Variants in IHO1 observed in about 807,000 individuals in gnomAD.
IHO1 encodes the protein interactor of HORMAD1 1.
In IHO1, 13 loss-of-function variants were observed where a neutral mutation model predicts 31.0. That is an observed-to-expected ratio of 0.42 (90% CI 0.27 to 0.67). The LOEUF (loss-of-function observed/expected upper bound fraction) is 0.67. Among genes scored for constraint, IHO1 ranks in the 30% least tolerant of loss-of-function variants. The pLI is 0.24. For missense variants in IHO1, 599 were observed against 687.5 expected (o/e 0.87, Z 1.44); for synonymous variants, 221 against 248.4 (o/e 0.89, Z 1.04).
At chr3:49,196,476 G>A (rs1304142675), upstream of IHO1, among the ~76,000 whole-genome samples, 1 of 143,136 alleles carries the variant, frequency 7.0e-6, no homozygotes, top group South Asian at 2.2e-4. Context: ...CCACCACCAC[G>A]CCCGGCTATT....
In IHO1 at chr3:49,213,296, C is replaced by A. The variant is rs1047960369; in HGVS notation, c.56+1460C>A. ...AGTGCTGATTGTTGTATTTACAATT[C>A]CTTAGCTAGACATAAAGGTTCTCCA... On this transcript the variant is annotated intron_variant, in intron 2 of 7. Coordinates refer to ENST00000452691, the MANE Select transcript of IHO1 (RefSeq NM_001135197.2). Among the ~76,000 whole-genome samples the A allele has an allele frequency of 3.3e-5, 5 of 152,202 alleles. No individual in the cohort carries two copies. The East Asian group carries it at 9.6e-4, about 29-fold the overall frequency.
At chr3:49,200,607 T>A in intron 1 of IHO1, 3 of 983,140 alleles carry the variant, frequency 3.1e-6, no homozygotes, top group Non-Finnish European at 3.6e-6. Flanking sequence ...CCTCACGTGT[T>A]CCTCCCTTGT....
At chr3:49,194,495 G>A (rs1323200077), upstream of IHO1, among the ~76,000 whole-genome samples, 3 of 146,432 alleles carry the variant, frequency 2.0e-5, no homozygotes, top group Admixed American at 6.8e-5. Flanking sequence ...AGTAGAGAGG[G>A]GGTTTCACTG....
intron 2 of IHO1, among the ~76,000 whole-genome samples, chr3:49,218,515 G>A (rs1387451033): frequency 6.6e-6 from 1 of 151,358 alleles, no homozygotes; most frequent in East Asian, 1.9e-4. Flanking sequence ...CCAAGTAGCA[G>A]GGATTACAAG....
chr3:49,234,081 GA>G (rs1028590734), intron 2 of IHO1, among the ~76,000 whole-genome samples: 3 of 140,904 alleles, frequency 2.1e-5, no homozygotes, highest in East Asian at 2.1e-4. Flanking sequence ...TCGGGGCTGA[GA>G]AAAAAAAGGA....
chr3:49,236,775 ATAAAC>A (rs1430832995), intron 3 of IHO1, 53 bp downstream of exon 3: 1 of 1,521,638 alleles, frequency 6.6e-7, no homozygotes, highest in Non-Finnish European at 9.0e-7. Context: ...CATTATGGAG[ATAAAC>A]TATAAAGAAT....
upstream of IHO1, among the ~76,000 whole-genome samples, chr3:49,194,746 A>G (rs2045988116): frequency 6.6e-6 from 1 of 151,186 alleles, no homozygotes; most frequent in South Asian, 2.1e-4. Flanking sequence ...AAATACAAAA[A>G]TTAGCCAGAC....
At chr3:49,240,776 A>C (rs991918508) in intron 3 of IHO1, among the ~76,000 whole-genome samples, 9 of 152,216 alleles carry the variant, frequency 5.9e-5, no homozygotes, top group African/African-American at 1.9e-4. Flanking sequence ...AATTTTGCCA[A>C]AGAATGCAGA....
chr3:49,234,399 C>T (rs899939834), intron 2 of IHO1, among the ~76,000 whole-genome samples: 4 of 151,408 alleles, frequency 2.6e-5, no homozygotes, highest in Admixed American at 6.6e-5. Flanking sequence ...AGGCTGGTCT[C>T]GAACTCCTGA....
chr3:49,212,072 G>T (rs1423365438), intron 2 of IHO1, among the ~76,000 whole-genome samples: 2 of 151,182 alleles, frequency 1.3e-5, no homozygotes, highest in Admixed American at 1.3e-4. Flanking sequence ...GCTGAGGTAG[G>T]AGAATGGCGT....
rs116628938 is a variant in IHO1 at position 49,249,142 on chromosome 3, C to A, written c.532+4409C>A. Among the ~76,000 whole-genome samples, 976 of 152,276 alleles carry A rather than the reference C, an allele frequency of 6.4e-3. 4 individuals carry two copies. Among genetic ancestry groups the A allele is most frequent in the Non-Finnish European group, 0.011 (715 of 68,028 alleles). ...ACTGTGGCCATCTAATCTAACTCTTCCTGTTCTTCAGCTGAGGACACTAAG... is the reference window on the plus strand; with the variant it reads ...ACTGTGGCCATCTAATCTAACTCTTACTGTTCTTCAGCTGAGGACACTAAG... On this transcript the variant is annotated intron_variant, in intron 6 of 7. Transcript: ENST00000452691.
chr3:49,201,804 G>A (rs555853958), intron 1 of IHO1, among the ~76,000 whole-genome samples: 14 of 152,254 alleles, frequency 9.2e-5, no homozygotes, highest in African/African-American at 3.1e-4. Context: ...TGTGGTCCAA[G>A]CTACTCAGGA....
At chr3:49,222,490 G>C (rs115970267) in intron 2 of IHO1, among the ~76,000 whole-genome samples, 2,278 of 152,218 alleles carry the variant, frequency 0.015, 46 homozygotes, top group African/African-American at 0.051. Context: ...GTAAATTGCT[G>C]TCAGAAGGAA....
chr3:49,200,489 A>AAGAGAGAAAGAG (rs1475605673), intron 1 of IHO1: 1 of 668,922 alleles, frequency 1.5e-6, no homozygotes, highest in Non-Finnish European at 1.8e-6. Flanking sequence ...GAAAGAAAGA[A>AAGAGAGAAAGAG]AGAAAGAAAG....
intron 2 of IHO1, 49 bp downstream of exon 2, chr3:49,211,885 G>T (rs376090063): frequency 1.8e-6 from 2 of 1,083,990 alleles, no homozygotes; most frequent in East Asian, 4.8e-5. Flanking sequence ...TTTTCTGGCC[G>T]GGCATGATGG....
rs776582792 is a variant in IHO1, at chr3:49,256,403, C to T, written c.906C>T (p.Leu302=). The part of the protein sequence containing the change: ...EKPVLWQAQA[L]PAAWNPGMGS... ...CAGTTTTATGGCAGGCCCAGGCCCTCCCTGCTGCATGGAATCCTGGTATGG... is the reference window on the plus strand; with the variant it reads ...CAGTTTTATGGCAGGCCCAGGCCCTTCCTGCTGCATGGAATCCTGGTATGG... The change falls in exon 8 of 8, where the codon CTC becomes CTT. Residue 302 remains leucine, a synonymous_variant. Transcript: ENST00000452691. This position sits in a 1 kb window ranked among gnomAD's most constrained non-coding sequence, Gnocchi z 4.6. The T allele has an allele frequency of 1.9e-5, 31 of 1,614,048 alleles. No individual in the cohort carries two copies. The highest frequency in any genetic ancestry group is 2.5e-5 in the Non-Finnish European group (29 of 1,180,050).
Position 49,257,395 on chromosome 3 carries a change from C to T in IHO1, c.*113C>T, listed in dbSNP as rs1038669176. ...TGCCAAGTACCCAGGGTCAGAGGCC[C>T]TGCTGAGGTGGGGCAATGAGCACGA... On this transcript the variant is annotated 3_prime_UTR_variant, in exon 8 of 8. Coordinates refer to ENST00000452691, the MANE Select transcript of IHO1 (RefSeq NM_001135197.2). 274 of 1,073,532 alleles carry T rather than the reference C, an allele frequency of 2.6e-4. No individual in the cohort carries two copies. The highest frequency in any genetic ancestry group is 6.4e-4 in the Admixed American group (29 of 45,514). 66.5% of individuals were successfully genotyped at this position (1,073,532 alleles called of 1,614,324 possible). A position where few individuals can be genotyped will look rare whatever the true frequency, so the allele number is the denominator to read the frequency against.
At chr3:49,224,378 AAGACTGCCAC>A (rs1335059655) in intron 2 of IHO1, among the ~76,000 whole-genome samples, 1 of 152,164 alleles carries the variant, frequency 6.6e-6, no homozygotes, top group African/African-American at 2.4e-5. Flanking sequence ...TTGGCAGTGT[AAGACTGCCAC>A]CTCCTTGGGT....
chr3:49,256,591 C>G lies in IHO1; in HGVS notation c.1094C>G (p.Thr365Arg), dbSNP rs565921507. 1.9e-6 allele frequency: 3 copies of G among 1,614,226 alleles called. No homozygotes were observed. The East Asian group carries it at 6.7e-5, about 36-fold the overall frequency. Residue 365 changes from threonine to arginine, a missense_variant, in exon 8 of 8, where the codon ACA becomes AGA. Coordinates refer to ENST00000452691, the MANE Select transcript of IHO1 (RefSeq NM_001135197.2). This position sits in a 1 kb window ranked among gnomAD's most constrained non-coding sequence, Gnocchi z 4.6. ...TNCKNWAVTK[T>R]GAKNHGSSVP... is the part of the protein sequence containing the mutation. ...TGCAAGAACTGGGCTGTTACTAAAACAGGTGCCAAGAACCATGGTTCCAGC... is the reference window on the plus strand; with the variant it reads ...TGCAAGAACTGGGCTGTTACTAAAAGAGGTGCCAAGAACCATGGTTCCAGC...
Sources: gnomAD v4.1 joint callset for allele counts (sites outside exome capture counted in the v4.1 genomes callset) on GRCh38, gnomAD v4.1.1 for gene constraint, Gnocchi (gnomAD v3.1) non-coding constraint, MANE v1.5 for transcripts, NCBI Gene and HGNC (gene_info 2026-07-23, HGNC 2026-07-21) for gene names.